ADAMTSL1: variants seen among roughly 807,000 people sequenced by gnomAD.
The protein encoded by ADAMTSL1 is ADAMTS like 1.
A neutral mutation model predicts 201.8 loss-of-function variants in ADAMTSL1; 126 were observed. That is an observed-to-expected ratio of 0.62 (90% CI 0.54 to 0.72). The LOEUF is 0.72. Ranked by LOEUF, ADAMTSL1 falls within the 30% of genes least tolerant of loss-of-function variation. The probability of loss-of-function intolerance (pLI) is 0.00; values close to 1 mark genes in which losing one functional copy is unlikely to be tolerated. For synonymous variants in ADAMTSL1, 1,121 were observed against 903.4 expected, an observed-to-expected ratio of 1.24 and a Z score of -4.32; for missense variants, 2,679 against 2,277.8, an observed-to-expected ratio of 1.18 and a Z score of -3.59.
At chr9:18,411,248 G>A (rs2133313509) in intron 2 of ADAMTSL1, among the ~76,000 whole-genome samples, 1 of 151,474 alleles carries the variant, frequency 6.6e-6, no homozygotes, top group South Asian at 2.1e-4. Context: ...CCAGGTTGGA[G>A]TGCAATGGTG....
intron 1 of ADAMTSL1, among the ~76,000 whole-genome samples, chr9:17,960,231 G>A (rs960461279): frequency 6.6e-6 from 1 of 152,172 alleles, no homozygotes; most frequent in African/African-American, 2.4e-5. Context: ...AGGAGGGCAT[G>A]ACCCTCCCAT....
At chr9:18,560,746 G>A (rs1486466429) in intron 3 of ADAMTSL1, among the ~76,000 whole-genome samples, 2 of 151,880 alleles carry the variant, frequency 1.3e-5, no homozygotes, top group Non-Finnish European at 2.9e-5. Flanking sequence ...GAGGGTGTAT[G>A]CCCAGAAATT....
chr9:18,330,758 A>G (rs1207708986), intron 2 of ADAMTSL1, among the ~76,000 whole-genome samples: 7 of 152,300 alleles, frequency 4.6e-5, no homozygotes, highest in African/African-American at 1.7e-4. Context: ...AAGAAATACA[A>G]CCTTTAAGAT....
intron 1 of ADAMTSL1, among the ~76,000 whole-genome samples, chr9:17,927,932 G>C (rs1210898922): frequency 6.6e-6 from 1 of 151,462 alleles, no homozygotes; most frequent in African/African-American, 2.4e-5. Context: ...GAATAATGTT[G>C]CTATGAAATT....
chr9:18,754,710 T>A (rs1819647836), intron 16 of ADAMTSL1, among the ~76,000 whole-genome samples: 1 of 152,208 alleles, frequency 6.6e-6, no homozygotes, highest in Non-Finnish European at 1.5e-5. Context: ...TGTGGTTTAG[T>A]AAAACACTCA....
chr9:18,801,232 AAGAC>A (rs1822780021), intron 20 of ADAMTSL1, among the ~76,000 whole-genome samples: 2 of 152,234 alleles, frequency 1.3e-5, no homozygotes, highest in Non-Finnish European at 2.9e-5. Flanking sequence ...CTAAAAAACA[AAGAC>A]AGGCAAAATC....
chr9:18,059,007 C>G (rs548813998), intron 1 of ADAMTSL1, among the ~76,000 whole-genome samples: 3 of 152,290 alleles, frequency 2.0e-5, no homozygotes, highest in South Asian at 2.1e-4. Flanking sequence ...TCATTTAAGC[C>G]TAAGCAATCA....
At chr9:18,717,979 C>T (rs1833060641) in intron 14 of ADAMTSL1, 1 of 1,577,870 alleles carries the variant, frequency 6.3e-7, no homozygotes, top group Non-Finnish European at 8.7e-7. Flanking sequence ...TACATTAAAG[C>T]AGCTGACATG....
intron 8 of ADAMTSL1, among the ~76,000 whole-genome samples, chr9:18,660,504 T>A (rs977560875): frequency 2.0e-5 from 3 of 152,250 alleles, no homozygotes; most frequent in Non-Finnish European, 4.4e-5. Context: ...TGACAAATTT[T>A]GATTTTGAAG....
chr9:18,673,471 C>G (rs1829950041), intron 9 of ADAMTSL1, among the ~76,000 whole-genome samples: 1 of 152,216 alleles, frequency 6.6e-6, no homozygotes, highest in African/African-American at 2.4e-5. Context: ...TCATAGAAGA[C>G]AAATATAGCT....
At chr9:18,902,273 C>A (rs183776488) in intron 26 of ADAMTSL1, among the ~76,000 whole-genome samples, 2 of 152,176 alleles carry the variant, frequency 1.3e-5, no homozygotes, top group South Asian at 2.1e-4. Flanking sequence ...AACAGACATA[C>A]AGAGGACTCC....
intron 1 of ADAMTSL1, among the ~76,000 whole-genome samples, chr9:18,087,547 G>C (rs1379645518): frequency 6.6e-6 from 1 of 151,976 alleles, no homozygotes; most frequent in African/African-American, 2.4e-5. Context: ...AATAGATCTA[G>C]AGCCATGTGA....
At chr9:18,369,019 A>G (rs956197996) in intron 2 of ADAMTSL1, among the ~76,000 whole-genome samples, 1 of 152,206 alleles carries the variant, frequency 6.6e-6, no homozygotes, top group Non-Finnish European at 1.5e-5. Flanking sequence ...CTTCACTTGC[A>G]GATGTGTCTA....
intron 2 of ADAMTSL1, among the ~76,000 whole-genome samples, chr9:18,265,308 G>T (rs371851515): frequency 2.0e-5 from 3 of 151,972 alleles, no homozygotes; most frequent in South Asian, 2.1e-4. Flanking sequence ...GTTAATTCAG[G>T]TCTTTATTTC....
intron 16 of ADAMTSL1, among the ~76,000 whole-genome samples, chr9:18,763,014 T>C (rs1478042389): frequency 6.6e-6 from 1 of 152,164 alleles, no homozygotes; most frequent in Non-Finnish European, 1.5e-5. Context: ...TTCTTTTGGG[T>C]ATATACCCAG....
chr9:17,995,654 C>T (rs1586869562), intron 1 of ADAMTSL1, among the ~76,000 whole-genome samples: 2 of 152,010 alleles, frequency 1.3e-5, no homozygotes, highest in East Asian at 3.9e-4. Flanking sequence ...TCTGTGAATT[C>T]CTTGCCAAAT....
chr9:18,761,485 T>C (rs1323306261), intron 16 of ADAMTSL1, among the ~76,000 whole-genome samples: 1 of 152,232 alleles, frequency 6.6e-6, no homozygotes, highest in African/African-American at 2.4e-5. Context: ...ATTTTTCTTA[T>C]GTATTTTGCT....
chr9:17,980,443 G>A (rs1037572790), intron 1 of ADAMTSL1, among the ~76,000 whole-genome samples: 5 of 151,866 alleles, frequency 3.3e-5, no homozygotes, highest in African/African-American at 1.2e-4. Flanking sequence ...ACCAAACATG[G>A]CCACTGGGTT....
chr9:18,271,088 T>G (rs754753655), intron 2 of ADAMTSL1, among the ~76,000 whole-genome samples: 1 of 152,168 alleles, frequency 6.6e-6, no homozygotes, highest in South Asian at 2.1e-4. Flanking sequence ...CAGTGGAATT[T>G]GGGAACTTAT....
Sources: allele counts gnomAD v4.1 joint callset (sites outside exome capture counted in the v4.1 genomes callset), GRCh38; gene constraint gnomAD v4.1.1; transcripts MANE v1.5; gene names NCBI Gene and HGNC (gene_info 2026-07-23, HGNC 2026-07-21).